OR52E5: variants seen among roughly 807,000 people sequenced by gnomAD.
OR52E5 encodes the protein olfactory receptor 52E5.
At chr11:5,897,514 T>C (rs1246862229) in intron 2 of OR52E5, among the ~76,000 whole-genome samples, 1 of 152,236 alleles carries the variant, frequency 6.6e-6, no homozygotes, top group East Asian at 1.9e-4. Flanking sequence ...CCACATTTTA[T>C]TTACCCAATC....
In OR52E5 at chr11:5,895,720, C is replaced by T. The variant is rs1847163972; in HGVS notation, c.-146+7C>T. 6.6e-6 allele frequency: 1 copy of T among 152,176 alleles called. No individual in the cohort carries two copies. Among genetic ancestry groups the T allele is most frequent in the Non-Finnish European group, 1.5e-5 (1 of 68,032 alleles). 9.4% of individuals were successfully genotyped at this position (152,176 alleles called of 1,614,324 possible). A position where few individuals can be genotyped will look rare whatever the true frequency, so the allele number is the denominator to read the frequency against. On this transcript the variant is annotated splice_region_variant and intron_variant, in intron 2 of 2. Coordinates refer to ENST00000610445, the MANE Select transcript of OR52E5 (RefSeq NM_001005166.5). ...ACAATAACTGAAAAACCAAGTAAGACAATTTGGTAATAATTCAGATGAACA... is the reference window on the plus strand; with the variant it reads ...ACAATAACTGAAAAACCAAGTAAGATAATTTGGTAATAATTCAGATGAACA...
At chr11:5,900,374 T>TTA in intron 2 of OR52E5, among the ~76,000 whole-genome samples, 1 of 32,814 alleles carries the variant, frequency 3.0e-5, no homozygotes, top group Admixed American at 2.7e-4. Flanking sequence ...CAGTGACATT[T>TTA]TACACACACA....
chr11:5,898,616 T>C (rs971411607), intron 2 of OR52E5, among the ~76,000 whole-genome samples: 3 of 152,198 alleles, frequency 2.0e-5, no homozygotes, highest in Non-Finnish European at 4.4e-5. Flanking sequence ...GTTAATTTTG[T>C]ATATGGTAAG....
chr11:5,900,527 G>A, intron 2 of OR52E5, 105 bp from the exon 3 acceptor site: 1 of 335,172 alleles, frequency 3.0e-6, no homozygotes, highest in Admixed American at 4.8e-5. Context: ...GGGAAGTGCA[G>A]GATTGCTATA....
In OR52E5 at chr11:5,901,869, C is replaced by T. The variant is rs1012254597; in HGVS notation, c.*109C>T. On this transcript the variant is annotated 3_prime_UTR_variant, in exon 3 of 3. Transcript: ENST00000610445. ...CCTACAACGTCTCATGATTTCAGTA[C>T]GGTCTGTTGGAAGTTATAGCTCAAA... 11 of 398,792 alleles carry T rather than the reference C, an allele frequency of 2.8e-5. No homozygotes were observed. The highest frequency in any genetic ancestry group is 8.8e-5 in the Admixed American group (2 of 22,668). The allele number at this position is 398,792 out of a possible 1,614,324, so 24.7% of individuals were successfully genotyped here. A position where few individuals can be genotyped will look rare whatever the true frequency, so the allele number is the denominator to read the frequency against.
chr11:5,898,201 AT>A (rs1847201904), intron 2 of OR52E5, among the ~76,000 whole-genome samples: 2 of 152,016 alleles, frequency 1.3e-5, no homozygotes. Context: ...ATTAATGATG[AT>A]GAACATTTTT....
Position 5,901,181 on chromosome 11 carries a change from C to T in OR52E5, c.405C>T (p.Ser135=). ...YIAICNPLRY[S]MILTNKVIAI... Reference sequence around the variant, plus strand: ...CCATCTGCAACCCCCTGAGATATAGCATGATCCTTACCAACAAGGTAATAG... The same window carrying T: ...CCATCTGCAACCCCCTGAGATATAGTATGATCCTTACCAACAAGGTAATAG... Residue 135 remains serine, a synonymous_variant, in exon 3 of 3, where the codon AGC becomes AGT. Coordinates refer to ENST00000610445, the MANE Select transcript of OR52E5 (RefSeq NM_001005166.5). The T allele has an allele frequency of 2.5e-6, 1 of 401,434 alleles. No individual in the cohort carries two copies. Among genetic ancestry groups the T allele is most frequent in the East Asian group, 3.6e-5 (1 of 28,090 alleles). 24.9% of individuals were successfully genotyped at this position (401,434 alleles called of 1,614,324 possible).
intron 1 of OR52E5, among the ~76,000 whole-genome samples, chr11:5,895,179 T>G (rs566062183): frequency 6.6e-5 from 10 of 152,142 alleles, no homozygotes; most frequent in African/African-American, 2.4e-4. Flanking sequence ...TGTCAGGAAA[T>G]TCAAAGTCCT....
chr11:5,898,088 G>C (rs568353344), intron 2 of OR52E5, among the ~76,000 whole-genome samples: 1 of 151,900 alleles, frequency 6.6e-6, no homozygotes, highest in East Asian at 1.9e-4. Context: ...GGAATTCCTG[G>C]GCTCAAGTTA....
chr11:5,894,857 T>G (rs540762876), intron 1 of OR52E5, among the ~76,000 whole-genome samples: 44 of 152,240 alleles, frequency 2.9e-4, no homozygotes, highest in Admixed American at 3.3e-4. Context: ...CATTGTAGAT[T>G]AAAAGCAGCC....
At chr11:5,898,716 T>C (rs1002080642) in intron 2 of OR52E5, among the ~76,000 whole-genome samples, 2 of 152,152 alleles carry the variant, frequency 1.3e-5, no homozygotes, top group South Asian at 4.1e-4. Context: ...CAGTTGATTG[T>C]TTTTGTTGAC....
rs189535791 is a variant in OR52E5 at position 5,901,441 on chromosome 11, G to A, written c.665G>A (p.Arg222Gln). Reference sequence around the variant, plus strand: ...GGATTTTCCTATGTCCAGATCCTCCGAGCTGTCTTCCATCTCCCAGCCTGG... The same window carrying A: ...GGATTTTCCTATGTCCAGATCCTCCAAGCTGTCTTCCATCTCCCAGCCTGG... ...VIGFSYVQIL[R>Q]AVFHLPAWDA... is the part of the protein sequence containing the mutation. Residue 222 changes from arginine (R) to glutamine (Q), a missense_variant, in exon 3 of 3, where the codon CGA (arginine) becomes CAA (glutamine). Coordinates refer to ENST00000610445, the MANE Select transcript of OR52E5 (RefSeq NM_001005166.5). 404 of 401,542 alleles carry A rather than the reference G, an allele frequency of 1.0e-3. 1 individual carries two copies. Among genetic ancestry groups the A allele is most frequent in the African/African-American group, 7.6e-3 (371 of 48,776 alleles). 24.9% of individuals were successfully genotyped at this position (401,542 alleles called of 1,614,324 possible). A position where few individuals can be genotyped will look rare whatever the true frequency, so the allele number is the denominator to read the frequency against.
At chr11:5,900,503 G>GGGA (rs1847234659) in intron 2 of OR52E5, 129 bp from the exon 3 acceptor site, 1 of 297,268 alleles carries the variant, frequency 3.4e-6, no homozygotes. Flanking sequence ...AGAGACTGAA[G>GGGA]GGAGGAAAGA....
rs750735854 is a variant in OR52E5 at position 5,900,576 on chromosome 11, G to A, written c.-145-56G>A. ...CTGCATGGTTTCCTGTGTAAGTGAG[G>A]CAAATATTTAAAAGTGAGAGTGTCT... is the stretch of plus-strand genomic sequence containing the variant. On this transcript the variant is annotated intron_variant, in intron 2 of 2. Coordinates refer to ENST00000610445, the MANE Select transcript of OR52E5 (RefSeq NM_001005166.5). 8.6e-5 allele frequency: 33 copies of A among 383,330 alleles called. No individual in the cohort carries two copies. The East Asian group carries it at 1.1e-3, about 12-fold the overall frequency. 23.7% of individuals were successfully genotyped at this position (383,330 alleles called of 1,614,324 possible).
chr11:5,896,198 C>G (rs1847171620), intron 2 of OR52E5, among the ~76,000 whole-genome samples: 1 of 130,852 alleles, frequency 7.6e-6, no homozygotes, highest in Non-Finnish European at 1.6e-5. Flanking sequence ...GTCAGGAGAT[C>G]AAGACATCAA....
rs1023507171 is a variant in OR52E5 at position 5,901,349 on chromosome 11, T to C, written c.573T>C (p.Cys191=). Residue 191 remains cysteine (C), a synonymous_variant, in exon 3 of 3, where the codon TGT becomes TGC. Coordinates refer to ENST00000610445, the MANE Select transcript of OR52E5 (RefSeq NM_001005166.5). ...CEHMGLAKLA[C]ASINVIYGLI... ...ACATGGGCTTGGCAAAGTTAGCTTG[T>C]GCCAGTATTAATGTTATATATGGAT... 1 of 401,712 alleles carries C rather than the reference T, an allele frequency of 2.5e-6. No homozygotes were observed. Among genetic ancestry groups the C allele is most frequent in the Non-Finnish European group, 4.4e-6 (1 of 226,356 alleles). The allele number at this position is 401,712 out of a possible 1,614,324, so 24.9% of individuals were successfully genotyped here.
chr11:5,899,349 C>T (rs1192276660), intron 2 of OR52E5, among the ~76,000 whole-genome samples: 1 of 152,120 alleles, frequency 6.6e-6, no homozygotes, highest in Non-Finnish European at 1.5e-5. Context: ...AGGAAATGAT[C>T]ATATCATAAA....
intron 2 of OR52E5, among the ~76,000 whole-genome samples, chr11:5,899,832 T>C (rs757533849): frequency 6.6e-6 from 1 of 152,146 alleles, no homozygotes; most frequent in Non-Finnish European, 1.5e-5. Context: ...AAAGACTCAA[T>C]TGTGACGGTA....
At position 5,900,762 on chromosome 11, in the gene OR52E5, G is replaced by A. The variant is rs1453471289; in HGVS notation, c.-15G>A. 2.5e-6 allele frequency: 1 copy of A among 400,230 alleles called. No individual in the cohort carries two copies. The highest frequency in any genetic ancestry group is 2.1e-5 in the African/African-American group (1 of 48,660). The allele number at this position is 400,230 out of a possible 1,614,324, so 24.8% of individuals were successfully genotyped here. Reference sequence around the variant, plus strand: ...ACTCATGCAAGAAATGTGTCTGTAGGGAATGGCCACCAATATGCTTCATAC... The same window carrying A: ...ACTCATGCAAGAAATGTGTCTGTAGAGAATGGCCACCAATATGCTTCATAC... On this transcript the variant is annotated 5_prime_UTR_variant, in exon 3 of 3. Transcript: ENST00000610445.
Sources: allele counts gnomAD v4.1 joint callset (sites outside exome capture counted in the v4.1 genomes callset), GRCh38; gene constraint gnomAD v4.1.1; transcripts MANE v1.5; gene names NCBI Gene and HGNC (gene_info 2026-07-23, HGNC 2026-07-21).